The following ELP4 variants were observed in gnomAD, a reference collection of about 807,000 sequenced individuals.
ELP4 encodes elongator acetyltransferase complex subunit 4.
ELP4 carries 51 observed loss-of-function variants against 48.9 expected under a neutral mutation model. The observed-to-expected ratio is 1.04, with a 90% CI of 0.83 to 1.32. The LOEUF (loss-of-function observed/expected upper bound fraction) is 1.32, where lower values mean the gene tolerates loss of function less well. Among genes scored for constraint, ELP4 ranks in the 40% most tolerant of loss-of-function variants. ELP4 has a pLI of 0.00. For synonymous variants in ELP4, 210 were observed against 189.2 expected (o/e 1.11, Z -0.90); for missense variants, 519 against 514.6 (o/e 1.01, Z -0.08).
intron 9 of ELP4, among the ~76,000 whole-genome samples, chr11:31,697,142 A>G (rs1282401605): frequency 6.6e-6 from 1 of 152,168 alleles, no homozygotes; most frequent in East Asian, 1.9e-4. Flanking sequence ...CCAATACAGG[A>G]GCACCCAGAT....
chr11:31,734,562 T>C (rs568866319), intron 9 of ELP4, among the ~76,000 whole-genome samples: 2 of 152,316 alleles, frequency 1.3e-5, no homozygotes, highest in South Asian at 2.1e-4. Context: ...TTCTGTACAC[T>C]AGCACTAAAC....
Position 31,603,753 on chromosome 11 carries a change from G to A in ELP4, c.514-15G>A. The A allele has an allele frequency of 1.2e-6, 2 of 1,602,230 alleles. No individual in the cohort carries two copies. The highest frequency in any genetic ancestry group is 1.7e-6 in the Non-Finnish European group (2 of 1,173,614). ...AATAATTGTTTAACAACCACTATGG[G>A]GTTTATTTTAGCAGATTGGACCAGT... is the stretch of plus-strand genomic sequence containing the variant. On this transcript the variant is annotated splice_polypyrimidine_tract_variant and intron_variant, in intron 4 of 9. Transcript: ENST00000640961.
chr11:31,581,945 G>A (rs1447514795), intron 3 of ELP4, among the ~76,000 whole-genome samples: 1 of 151,984 alleles, frequency 6.6e-6, no homozygotes, highest in Non-Finnish European at 1.5e-5. Context: ...GTAGAGAAAG[G>A]ATCTCACTGT....
chr11:31,764,635 C>T (rs532174842), intron 9 of ELP4, among the ~76,000 whole-genome samples: 2 of 152,172 alleles, frequency 1.3e-5, no homozygotes, highest in South Asian at 4.2e-4. Flanking sequence ...TTTAAAAATC[C>T]AGGGCATCAT....
rs527693272 is a variant in ELP4 at position 31,547,313 on chromosome 11, G to A, written c.381+7530G>A. Among the ~76,000 whole-genome samples, 359 of 152,066 alleles carry A rather than the reference G, an allele frequency of 2.4e-3. 1 individual carries two copies. Among genetic ancestry groups the A allele is most frequent in the African/African-American group, 8.1e-3 (338 of 41,502 alleles). On this transcript the variant is annotated intron_variant, in intron 3 of 9. Transcript: ENST00000640961. ...AAATGATAAAGGGGATATCACCACC[G>A]ATCCCACAGAAATACAAACTACCAT...
At chr11:31,760,803 T>C (rs1259948862) in intron 9 of ELP4, among the ~76,000 whole-genome samples, 1 of 152,220 alleles carries the variant, frequency 6.6e-6, no homozygotes, top group African/African-American at 2.4e-5. Context: ...CAGAGACCAG[T>C]CATCTTTTTA....
chr11:31,563,155 T>C (rs898265280), intron 3 of ELP4, among the ~76,000 whole-genome samples: 1 of 152,186 alleles, frequency 6.6e-6, no homozygotes, highest in African/African-American at 2.4e-5. Flanking sequence ...AAAGATTTTA[T>C]TTTTAAGAAG....
intron 3 of ELP4, 23 bp from the exon 4 acceptor site, chr11:31,594,747 T>A: frequency 6.8e-7 from 1 of 1,462,940 alleles, no homozygotes; most frequent in Non-Finnish European, 9.0e-7. Context: ...GAATCTCAAT[T>A]ATGTGTCATT....
chr11:31,568,021 G>A (rs1957140526), intron 3 of ELP4, among the ~76,000 whole-genome samples: 1 of 152,126 alleles, frequency 6.6e-6, no homozygotes, highest in Admixed American at 6.6e-5. Context: ...ATGCTGTTTG[G>A]CAGCATTTTA....
At chr11:31,577,044 A>G (rs1219291141) in intron 3 of ELP4, among the ~76,000 whole-genome samples, 2 of 152,194 alleles carry the variant, frequency 1.3e-5, no homozygotes, top group East Asian at 1.9e-4. Context: ...ATAAGCCACT[A>G]GCAAGACTAA....
intron 2 of ELP4, among the ~76,000 whole-genome samples, chr11:31,528,983 A>G (rs1469536209): frequency 6.6e-6 from 1 of 151,964 alleles, no homozygotes; most frequent in African/African-American, 2.4e-5. Flanking sequence ...CCGGAATGGA[A>G]CTTTGGGAGA....
intron 9 of ELP4, among the ~76,000 whole-genome samples, chr11:31,722,726 T>C (rs1946995388): frequency 6.6e-6 from 1 of 151,866 alleles, no homozygotes; most frequent in Non-Finnish European, 1.5e-5. Flanking sequence ...TCTCTCTCTC[T>C]TTCTCTCTCC....
At chr11:31,600,514 A>G (rs1189289300) in intron 4 of ELP4, 1 of 151,914 alleles carries the variant, frequency 6.6e-6, no homozygotes, top group Admixed American at 6.6e-5. Flanking sequence ...TGACCAACAA[A>G]TACCATTTTT....
chr11:31,544,753 C>A (rs1016992094), intron 3 of ELP4, among the ~76,000 whole-genome samples: 15 of 152,214 alleles, frequency 9.9e-5, no homozygotes, highest in African/African-American at 2.4e-4. Flanking sequence ...AGGCACCCCC[C>A]AGTAGGGGCA....
intron 3 of ELP4, among the ~76,000 whole-genome samples, chr11:31,550,500 A>C (rs571101673): frequency 6.6e-6 from 1 of 152,196 alleles, no homozygotes; most frequent in Non-Finnish European, 1.5e-5. Context: ...CATTCAGTCC[A>C]TTCTTAAAGA....
intron 9 of ELP4, among the ~76,000 whole-genome samples, chr11:31,690,634 A>G (rs916446476): frequency 1.3e-5 from 2 of 151,922 alleles, no homozygotes; most frequent in African/African-American, 4.8e-5. Context: ...TCCTACCTTC[A>G]TTTTATTTTG....
intron 5 of ELP4, among the ~76,000 whole-genome samples, chr11:31,612,611 A>G (rs1382089393): frequency 3.3e-5 from 5 of 152,236 alleles, no homozygotes; most frequent in Non-Finnish European, 7.3e-5. Context: ...CTGTTGATAC[A>G]TATGTATATA....
intron 8 of ELP4, chr11:31,649,895 A>C: frequency 2.7e-6 from 1 of 374,380 alleles, no homozygotes; most frequent in Non-Finnish European, 4.8e-6. Flanking sequence ...ACCAAAGTGC[A>C]ATTAGTTTTC....
intron 3 of ELP4, among the ~76,000 whole-genome samples, chr11:31,541,892 G>A (rs1001900529): frequency 6.6e-6 from 1 of 152,134 alleles, no homozygotes; most frequent in African/African-American, 2.4e-5. Context: ...ATTGGGTGTT[G>A]CAAAGACTTA....
Sources: gnomAD v4.1 joint callset for allele counts (sites outside exome capture counted in the v4.1 genomes callset) on GRCh38, gnomAD v4.1.1 for gene constraint, MANE v1.5 for transcripts, NCBI Gene and HGNC (gene_info 2026-07-23, HGNC 2026-07-21) for gene names.